The following KCNMA1 variants were observed in gnomAD, a reference collection of about 807,000 sequenced individuals.
KCNMA1 encodes Calcium-activated potassium channel subunit alpha-1.
Under a neutral mutation model 140.0 loss-of-function variants are expected in KCNMA1, and 29 were observed. The ratio of observed to expected loss-of-function variants is 0.21; its 90% confidence interval spans 0.15 to 0.28. The LOEUF (loss-of-function observed/expected upper bound fraction) is 0.28. Among genes scored for constraint, KCNMA1 ranks in the 10% least tolerant of loss-of-function variants. KCNMA1 has a pLI of 1.00. For missense variants in KCNMA1, 880 were observed against 1,602.2 expected (o/e 0.55, Z 7.70); for synonymous variants, 612 against 611.9 (o/e 1.00, Z 0.00).
intron 3 of KCNMA1, among the ~76,000 whole-genome samples, chr10:77,195,841 C>T (rs188028620): frequency 6.6e-5 from 10 of 152,084 alleles, no homozygotes; most frequent in South Asian, 6.2e-4. Flanking sequence ...CCCAGCTACT[C>T]GGGAGGCTGA....
intron 5 of KCNMA1, among the ~76,000 whole-genome samples, chr10:77,126,720 C>CCCA: frequency 2.0e-4 from 2 of 9,982 alleles, no homozygotes; most frequent in African/African-American, 4.9e-4. Context: ...GCCCCCCACC[C>CCCA]CCCCACCCCC....
At chr10:77,472,243 A>G (rs945032011) in intron 1 of KCNMA1, among the ~76,000 whole-genome samples, 4 of 151,866 alleles carry the variant, frequency 2.6e-5, no homozygotes, top group Non-Finnish European at 4.4e-5. Context: ...CATCACATAG[A>G]CACAGACACA....
chr10:77,390,535 G>A (rs189498178), intron 2 of KCNMA1, among the ~76,000 whole-genome samples: 9 of 152,298 alleles, frequency 5.9e-5, no homozygotes, highest in African/African-American at 2.2e-4. Context: ...GTGCCTCAGG[G>A]ATTAAGGAGC....
intron 5 of KCNMA1, among the ~76,000 whole-genome samples, chr10:77,141,661 T>G (rs1307416439): frequency 2.0e-5 from 3 of 152,174 alleles, no homozygotes; most frequent in Non-Finnish European, 4.4e-5. Context: ...CAGCCCAGAG[T>G]GACTATGAAA....
chr10:77,193,403 T>C (rs1378998804), intron 3 of KCNMA1, among the ~76,000 whole-genome samples: 1 of 152,174 alleles, frequency 6.6e-6, no homozygotes, highest in Non-Finnish European at 1.5e-5. Flanking sequence ...TAGTTTTCAC[T>C]AAACTGTCTT....
At chr10:76,975,942 TG>T (rs1376373990) in intron 19 of KCNMA1, among the ~76,000 whole-genome samples, 1 of 152,156 alleles carries the variant, frequency 6.6e-6, no homozygotes, top group Non-Finnish European at 1.5e-5. Flanking sequence ...AGAAGAAAGA[TG>T]CTGCCCCTTA....
intron 21 of KCNMA1, among the ~76,000 whole-genome samples, chr10:76,952,777 C>A (rs2066787343): frequency 6.6e-6 from 1 of 152,118 alleles, no homozygotes; most frequent in Non-Finnish European, 1.5e-5. Flanking sequence ...GCATACAAAG[C>A]CATTCCGAGG....
intron 5 of KCNMA1, among the ~76,000 whole-genome samples, chr10:77,164,931 T>A (rs1460854156): frequency 6.6e-6 from 1 of 152,058 alleles, no homozygotes; most frequent in Non-Finnish European, 1.5e-5. Flanking sequence ...TTTTTTCCCA[T>A]CTAAAATATG....
intron 19 of KCNMA1, among the ~76,000 whole-genome samples, chr10:76,992,001 A>T (rs947682239): frequency 6.6e-6 from 1 of 152,132 alleles, no homozygotes; most frequent in Non-Finnish European, 1.5e-5. Flanking sequence ...AGTGCAGTCG[A>T]TCATCCCTAA....
intron 1 of KCNMA1, among the ~76,000 whole-genome samples, chr10:77,447,840 C>T (rs184574361): frequency 1.8e-4 from 27 of 152,288 alleles, no homozygotes; most frequent in African/African-American, 5.8e-4. Context: ...TCTCTCACCA[C>T]GGCACTTTAA....
At chr10:77,327,819 T>C (rs1179351489) in intron 2 of KCNMA1, among the ~76,000 whole-genome samples, 1 of 152,194 alleles carries the variant, frequency 6.6e-6, no homozygotes, top group Non-Finnish European at 1.5e-5. Context: ...AAACCTGGCT[T>C]CTCTATGTAT....
intron 20 of KCNMA1, among the ~76,000 whole-genome samples, chr10:76,955,904 TG>T (rs1168852342): frequency 1.3e-4 from 20 of 152,180 alleles, no homozygotes; most frequent in Non-Finnish European, 2.1e-4. Flanking sequence ...TTAGCAGACT[TG>T]CCCTGAAGAT....
intron 1 of KCNMA1, among the ~76,000 whole-genome samples, chr10:77,453,543 C>T (rs1157813258): frequency 6.6e-6 from 1 of 151,988 alleles, no homozygotes; most frequent in Admixed American, 6.6e-5. Context: ...AGAGGAGAAA[C>T]GAAGTGAGCC....
intron 16 of KCNMA1, among the ~76,000 whole-genome samples, chr10:77,023,095 G>A (rs921032265): frequency 2.0e-5 from 3 of 152,186 alleles, no homozygotes; most frequent in Non-Finnish European, 4.4e-5. Flanking sequence ...GGAGCACCGC[G>A]TCTCAAGTTG....
intron 2 of KCNMA1, among the ~76,000 whole-genome samples, chr10:77,352,048 T>G (rs2092947298): frequency 6.6e-6 from 1 of 152,188 alleles, no homozygotes; most frequent in Non-Finnish European, 1.5e-5. Context: ...CCTGAACTTC[T>G]CTCTTAAACA....
chr10:77,375,723 G>A (rs1010007480), intron 2 of KCNMA1, among the ~76,000 whole-genome samples: 1 of 152,268 alleles, frequency 6.6e-6, no homozygotes, highest in African/African-American at 2.4e-5. Context: ...TTCAGGGCTT[G>A]CTCAGTTGCA....
intron 2 of KCNMA1, among the ~76,000 whole-genome samples, chr10:77,311,562 A>T (rs1263898750): frequency 2.0e-5 from 3 of 152,206 alleles, no homozygotes; most frequent in African/African-American, 7.2e-5. Context: ...GTTATGCCCC[A>T]GCTCTGAACT....
chr10:77,596,648 A>G lies in KCNMA1; in HGVS notation c.378+40617T>C, dbSNP rs7922919. Among the ~76,000 whole-genome samples the G allele has an allele frequency of 3.6e-3, 555 of 152,288 alleles. 3 individuals are homozygous for G. The highest frequency in any genetic ancestry group is 0.012 in the African/African-American group (517 of 41,546). On this transcript the variant is annotated intron_variant, in intron 1 of 27. Transcript: ENST00000286628. ...TTAAGATGCTACGGGAGCACAATCC[A>G]ATGTTCGACAAGGTGTGAATCTGTT...
At chr10:77,592,415 C>T (rs1045482627) in intron 1 of KCNMA1, among the ~76,000 whole-genome samples, 1 of 152,202 alleles carries the variant, frequency 6.6e-6, no homozygotes, top group Admixed American at 6.5e-5. Flanking sequence ...GTTTGACATG[C>T]AGTTTTAGAC....
Sources: allele counts gnomAD v4.1 joint callset (sites outside exome capture counted in the v4.1 genomes callset), GRCh38; gene constraint gnomAD v4.1.1; transcripts MANE v1.5; gene names NCBI Gene and HGNC (gene_info 2026-07-23, HGNC 2026-07-21).